Variants in SMARCAD1 observed in about 807,000 individuals in gnomAD.
The protein encoded by SMARCAD1 is SNF2 related chromatin remodeling ATPase with DExD box 1.
Under a neutral mutation model 127.1 loss-of-function variants are expected in SMARCAD1, and 25 were observed. The observed-to-expected ratio is 0.20, with a 90% CI of 0.14 to 0.27. SMARCAD1 has a LOEUF of 0.27. SMARCAD1 is among the 10% of genes least tolerant of loss of function. The probability of loss-of-function intolerance (pLI) is 1.00; values close to 1 mark genes in which losing one functional copy is unlikely to be tolerated. For synonymous variants in SMARCAD1, 400 were observed against 396.9 expected, an observed-to-expected ratio of 1.01 and a Z score of -0.09; for missense variants, 807 against 1,206.0, an observed-to-expected ratio of 0.67 and a Z score of 4.90.
At chr4:94,225,870 A>G (rs1744905828) in intron 2 of SMARCAD1, among the ~76,000 whole-genome samples, 1 of 152,224 alleles carries the variant, frequency 6.6e-6, no homozygotes, top group African/African-American at 2.4e-5. Context: ...AAGTATTAGA[A>G]TATAAAACAC....
rs531081006 is a variant in SMARCAD1 at position 94,289,586 on chromosome 4, C to G, written c.*52C>G. On this transcript the variant is annotated 3_prime_UTR_variant, in exon 24 of 24. Transcript: ENST00000354268. ...TGAGGAAATATCAACTTGGTGCACT[C>G]AAGGACATTTACATTATGATGACCA... 7 of 1,375,998 alleles carry G rather than the reference C, an allele frequency of 5.1e-6. No homozygotes were observed. In the East Asian group the frequency reaches 1.1e-4, roughly 23 times the overall value. 85.2% of individuals were successfully genotyped at this position (1,375,998 alleles called of 1,614,324 possible).
Position 94,283,244 on chromosome 4 carries a change from C to CTG in SMARCAD1, c.2852_2853dup (p.Asn952ValfsTer16). Reference sequence around the variant, plus strand: ...ATGTTGTTATACTTCACGATATTGACTGTAATCCTTATAATGACAAACAAG... The same window carrying CTG: ...ATGTTGTTATACTTCACGATATTGACTGTGTAATCCTTATAATGACAAACAAG... On this transcript the variant is annotated frameshift_variant, in exon 22 of 24. Transcript: ENST00000354268. LOFTEE classifies it high-confidence loss of function. 6.2e-7 allele frequency: 1 copy of CTG among 1,613,546 alleles called. No individual in the cohort carries two copies. The highest frequency in any genetic ancestry group is 8.5e-7 in the Non-Finnish European group (1 of 1,179,950).
At position 94,274,774 on chromosome 4, in the gene SMARCAD1, C is replaced by G. The variant is rs201690975; in HGVS notation, c.1709C>G (p.Thr570Ser). The G allele has an allele frequency of 3.8e-5, 61 of 1,613,806 alleles. No individual in the cohort carries two copies. Among genetic ancestry groups the G allele is most frequent in the Non-Finnish European group, 5.2e-5 (61 of 1,179,866 alleles). ...AGGGAAGTTAATTTATGGTGCCCTA[C>G]TTTGAAGGTCCTCTGTTACTATGGT... Reference protein sequence around the residue: ...WLREVNLWCPTLKVLCYYGSQ... With the variant: ...WLREVNLWCPSLKVLCYYGSQ... The change falls in exon 13 of 24, where the codon ACT becomes AGT. Residue 570 changes from threonine to serine, a missense_variant. Around this residue, in one of 8 missense-constraint regions of SMARCAD1, gnomAD observed 148 missense variants for 313.2 expected, o/e 0.47. Transcript: ENST00000354268.
In SMARCAD1 at chr4:94,276,351, G is replaced by T. The variant is rs111425618; in HGVS notation, c.1821G>T (p.Ala607=). 6.2e-7 allele frequency: 1 copy of T among 1,614,054 alleles called. No individual in the cohort carries two copies. Residue 607 remains alanine (A), a synonymous_variant, in exon 15 of 24, where the codon GCG becomes GCT. Transcript: ENST00000354268. The part of the protein sequence containing the change: ...YNVIVTTYNC[A]ISSSDDRSLF... ...CTTTTGGTGACAGATATAACTGTGC[G>T]ATCAGCAGTTCTGATGACCGTAGTC...
chr4:94,246,031 A>G (rs1452982409), intron 6 of SMARCAD1, among the ~76,000 whole-genome samples: 1 of 151,834 alleles, frequency 6.6e-6, no homozygotes, highest in Non-Finnish European at 1.5e-5. Flanking sequence ...TGGTCACGAA[A>G]CCCAAGTGGC....
At chr4:94,228,557 T>C (rs1745368934) in intron 3 of SMARCAD1, among the ~76,000 whole-genome samples, 1 of 152,026 alleles carries the variant, frequency 6.6e-6, no homozygotes. Context: ...CTACTCAAAA[T>C]ACTGATTTAT....
chr4:94,275,105 C>A, intron 14 of SMARCAD1, 140 bp downstream of exon 14: 1 of 708,864 alleles, frequency 1.4e-6, no homozygotes, highest in South Asian at 1.6e-5. Context: ...GTTGAGGATT[C>A]AGGCATTTTT....
At chr4:94,267,311 T>C (rs1313386173) in intron 10 of SMARCAD1, among the ~76,000 whole-genome samples, 2 of 152,152 alleles carry the variant, frequency 1.3e-5, no homozygotes, top group Admixed American at 1.3e-4. Flanking sequence ...AATGTTTAGT[T>C]TGAACATTTC....
At chr4:94,236,579 A>G (rs908136620) in intron 4 of SMARCAD1, among the ~76,000 whole-genome samples, 1 of 152,156 alleles carries the variant, frequency 6.6e-6, no homozygotes, top group African/African-American at 2.4e-5. Context: ...TGACACACAC[A>G]CATACACAAA....
chr4:94,280,849 A>G (rs1277159962), intron 20 of SMARCAD1, 69 bp downstream of exon 20: 1 of 1,433,788 alleles, frequency 7.0e-7, no homozygotes, highest in African/African-American at 1.4e-5. Flanking sequence ...CAATTCTGGC[A>G]CACTGACTTG....
In SMARCAD1 at chr4:94,291,178, G is replaced by T. The variant is rs14696; in HGVS notation, c.*1644G>T. ...TCAATGATAGGCTGTTTCTTTTTTT[G>T]TTGTTATTGTTGTTGTTGTTATATC... On this transcript the variant is annotated 3_prime_UTR_variant, in exon 24 of 24. Transcript: ENST00000354268. 14 of 452,240 alleles carry T rather than the reference G, an allele frequency of 3.1e-5. No homozygotes were observed. Among genetic ancestry groups the T allele is most frequent in the South Asian group, 1.7e-4 (11 of 64,154 alleles). 28.0% of individuals were successfully genotyped at this position (452,240 alleles called of 1,614,324 possible). A position where few individuals can be genotyped will look rare whatever the true frequency, so the allele number is the denominator to read the frequency against.
At chr4:94,252,040 C>G (rs1749358181) in intron 8 of SMARCAD1, among the ~76,000 whole-genome samples, 1 of 151,990 alleles carries the variant, frequency 6.6e-6, no homozygotes, top group Non-Finnish European at 1.5e-5. Context: ...TTAGTAGAGA[C>G]AGGGTTTCAC....
intron 2 of SMARCAD1, among the ~76,000 whole-genome samples, chr4:94,209,794 T>G (rs1462883791): frequency 6.6e-6 from 1 of 152,234 alleles, no homozygotes; most frequent in Non-Finnish European, 1.5e-5. Context: ...ACCAGGATTT[T>G]AATCCCTGTG....
At chr4:94,272,571 G>A (rs1469638268) in intron 11 of SMARCAD1, among the ~76,000 whole-genome samples, 2 of 151,838 alleles carry the variant, frequency 1.3e-5, no homozygotes, top group African/African-American at 2.4e-5. Context: ...TTTTTTTCTG[G>A]TTATGTAGTA....
At chr4:94,242,217 T>TA (rs930793189) in intron 6 of SMARCAD1, among the ~76,000 whole-genome samples, 2 of 151,522 alleles carry the variant, frequency 1.3e-5, no homozygotes, top group Non-Finnish European at 2.9e-5. Context: ...GTTTTTTTTT[T>TA]AATTTTTTGT....
At chr4:94,279,220 C>T (rs755947017) in intron 19 of SMARCAD1, among the ~76,000 whole-genome samples, 170 bp downstream of exon 19, 2 of 152,130 alleles carry the variant, frequency 1.3e-5, no homozygotes, top group African/African-American at 4.8e-5. Context: ...AGTCTGGGCT[C>T]ACTGCAACTT....
intron 9 of SMARCAD1, among the ~76,000 whole-genome samples, chr4:94,263,458 A>G (rs1474612961): frequency 6.6e-6 from 1 of 152,052 alleles, no homozygotes; most frequent in Non-Finnish European, 1.5e-5. Flanking sequence ...TGAAAAATAT[A>G]GAGTAGTATG....
At chr4:94,283,423 C>T (rs762615757) in intron 22 of SMARCAD1, 120 bp downstream of exon 22, 1 of 873,722 alleles carries the variant, frequency 1.1e-6, no homozygotes, top group Non-Finnish European at 1.8e-6. Flanking sequence ...AGCATGGCTA[C>T]TGATGTATTT....
chr4:94,217,760 T>G (rs1695600701), intron 2 of SMARCAD1, among the ~76,000 whole-genome samples: 2 of 152,206 alleles, frequency 1.3e-5, no homozygotes, highest in African/African-American at 4.8e-5. Flanking sequence ...TATATCTTTG[T>G]TTTTCAAACT....
Sources: allele counts gnomAD v4.1 joint callset (sites outside exome capture counted in the v4.1 genomes callset), GRCh38; gene constraint gnomAD v4.1.1; regional missense constraint gnomAD v4.1.1; transcripts MANE v1.5; gene names NCBI Gene and HGNC (gene_info 2026-07-23, HGNC 2026-07-21).